The following ADAMTS6 variants were observed in gnomAD, a reference collection of about 807,000 sequenced individuals.
ADAMTS6 encodes the protein ADAM metallopeptidase with thrombospondin type 1 motif 6.
A neutral mutation model predicts 144.3 loss-of-function variants in ADAMTS6; 23 were observed. The observed-to-expected ratio is 0.16, with a 90% CI of 0.11 to 0.23. ADAMTS6 has a LOEUF of 0.23. ADAMTS6 is among the 10% of genes least tolerant of loss of function. ADAMTS6 has a pLI of 1.00. For missense variants in ADAMTS6, 999 were observed against 1,379.6 expected (o/e 0.72, Z 4.37); for synonymous variants, 444 against 457.5 (o/e 0.97, Z 0.38).
Position 65,334,085 on chromosome 5 carries a change from T to C in ADAMTS6, c.1074A>G (p.Arg358=), listed in dbSNP as rs1747067371. Residue 358 remains arginine, a splice_region_variant and synonymous_variant, in exon 8 of 25, where the codon AGA becomes AGG. Coordinates refer to ENST00000381055, the MANE Select transcript of ADAMTS6 (RefSeq NM_197941.4). ...AHHDNAVLIT[R]YDICTYKNKP... is the part of the protein sequence containing the mutation. ...TATTTTTATAAGTGCAGATATCATATCTATGGAGAAAACAGAGATGAAATT... is the reference window on the plus strand; with the variant it reads ...TATTTTTATAAGTGCAGATATCATACCTATGGAGAAAACAGAGATGAAATT... 2.0e-6 allele frequency: 3 copies of C among 1,476,298 alleles called. No homozygotes were observed. The highest frequency in any genetic ancestry group is 2.7e-6 in the Non-Finnish European group (3 of 1,118,078). 91.4% of individuals were successfully genotyped at this position (1,476,298 alleles called of 1,614,324 possible). A position where few individuals can be genotyped will look rare whatever the true frequency, so the allele number is the denominator to read the frequency against.
chr5:65,248,926 T>C (rs1208008383), intron 14 of ADAMTS6, among the ~76,000 whole-genome samples: 1 of 152,068 alleles, frequency 6.6e-6, no homozygotes, highest in African/African-American at 2.4e-5. Flanking sequence ...ATACCATAAA[T>C]ATATATACAA....
At chr5:65,174,649 G>GT (rs1184846422) in intron 22 of ADAMTS6, among the ~76,000 whole-genome samples, 1 of 152,142 alleles carries the variant, frequency 6.6e-6, no homozygotes, top group Non-Finnish European at 1.5e-5. Flanking sequence ...CGGCACTTTG[G>GT]TTTTTGTTTT....
At chr5:65,332,867 T>C (rs1746904437) in intron 8 of ADAMTS6, among the ~76,000 whole-genome samples, 1 of 152,170 alleles carries the variant, frequency 6.6e-6, no homozygotes, top group South Asian at 2.1e-4. Flanking sequence ...ATTATGCTTT[T>C]TAACTAGCAA....
intron 10 of ADAMTS6, chr5:65,297,374 T>C (rs1173629123): frequency 1.6e-5 from 6 of 383,124 alleles, no homozygotes; most frequent in Non-Finnish European, 2.5e-5. Context: ...ACATAGTGAA[T>C]TGTGAATCTC....
intron 7 of ADAMTS6, among the ~76,000 whole-genome samples, chr5:65,378,811 A>G (rs768398230): frequency 2.6e-5 from 4 of 152,194 alleles, no homozygotes; most frequent in Non-Finnish European, 4.4e-5. Flanking sequence ...AACTCTGAAT[A>G]TATTATAAAC....
chr5:65,233,174 G>T (rs1205275569), intron 15 of ADAMTS6, among the ~76,000 whole-genome samples: 1 of 151,876 alleles, frequency 6.6e-6, no homozygotes, highest in Non-Finnish European at 1.5e-5. Flanking sequence ...ATTAAGTACA[G>T]AAAGAATATA....
chr5:65,427,754 T>G (rs1438282031), intron 7 of ADAMTS6, among the ~76,000 whole-genome samples: 1 of 147,854 alleles, frequency 6.8e-6, no homozygotes, highest in Non-Finnish European at 1.5e-5. Context: ...GCCAAGCTCA[T>G]GCCACTGCAC....
intron 1 of ADAMTS6, among the ~76,000 whole-genome samples, chr5:65,479,670 A>C (rs1400124816): frequency 6.6e-6 from 1 of 152,220 alleles, no homozygotes; most frequent in Non-Finnish European, 1.5e-5. Flanking sequence ...AAACTTGATA[A>C]AATTTGGCAT....
rs191172983 is a variant in ADAMTS6 at position 65,446,054 on chromosome 5, G to A, written c.1073+5421C>T. On this transcript the variant is annotated intron_variant, in intron 7 of 24. Transcript: ENST00000381055. ...CACCCACAATCTGAATTCACACTTC[G>A]TATAAACCAAATATATTCTTTAAAA... Among the ~76,000 whole-genome samples, 350 of 152,150 alleles carry A rather than the reference G, an allele frequency of 2.3e-3. 3 individuals are homozygous for A. The highest frequency in any genetic ancestry group is 8.1e-3 in the African/African-American group (337 of 41,500).
In ADAMTS6 at chr5:65,224,974, C is replaced by T. The variant is rs771452107; in HGVS notation, c.2141G>A (p.Ser714Asn). Residue 714 changes from serine (S) to asparagine (N), a missense_variant, in exon 17 of 25, where the codon AGC becomes AAC. Ser to Asn is a conservative substitution (Grantham distance 46). This residue lies in a region of ADAMTS6 where 619 missense variants were observed against 837.0 expected (regional missense o/e 0.74). Transcript: ENST00000381055. Reference sequence around the variant, plus strand: ...GAACCCTTCAATGGCATCACATGTGCTTCCGTCCCCTCCACAGACTCGACA... The same window carrying T: ...GAACCCTTCAATGGCATCACATGTGTTTCCGTCCCCTCCACAGACTCGACA... ...DRCRVCGGDGSTCDAIEGFFN... is the reference protein window; with the variant it reads ...DRCRVCGGDGNTCDAIEGFFN... The T allele has an allele frequency of 1.2e-6, 2 of 1,614,102 alleles. No individual in the cohort carries two copies. The highest frequency in any genetic ancestry group is 1.7e-6 in the Non-Finnish European group (2 of 1,179,996).
chr5:65,263,484 T>C (rs1182238384), intron 12 of ADAMTS6, among the ~76,000 whole-genome samples: 3 of 149,772 alleles, frequency 2.0e-5, no homozygotes, highest in Non-Finnish European at 3.0e-5. Context: ...TTCATCTACA[T>C]GAGCACTGCA....
intron 7 of ADAMTS6, among the ~76,000 whole-genome samples, chr5:65,400,963 T>A (rs1234371155): frequency 1.3e-5 from 2 of 152,234 alleles, no homozygotes; most frequent in African/African-American, 2.4e-5. Flanking sequence ...GCTGTTTACA[T>A]TCTCCATTAA....
In ADAMTS6 at chr5:65,304,493, C is replaced by T. The variant is rs1037242661; in HGVS notation, c.1224-4362G>A. The stretch of plus-strand genomic sequence containing the variant: ...TGTCACCAAGGCTGGAGTGCAGTGG[C>T]GCAATCATGGCTCACTGCAGCCTCG... On this transcript the variant is annotated intron_variant, in intron 9 of 24. Transcript: ENST00000381055. Among the ~76,000 whole-genome samples the T allele has an allele frequency of 6.6e-5, 10 of 152,108 alleles. No homozygotes were observed. The East Asian group carries it at 9.6e-4, about 15-fold the overall frequency.
At position 65,386,420 on chromosome 5, in the gene ADAMTS6, G is replaced by A. The variant is rs1470294172; in HGVS notation, c.1074-52335C>T. Among the ~76,000 whole-genome samples, 2 of 151,926 alleles carry A rather than the reference G, an allele frequency of 1.3e-5. 1 individual carries two copies. The highest frequency in any genetic ancestry group is 1.3e-4 in the Admixed American group (2 of 15,244). ...GATACATTTGTTTGTGTCCTTATAAGGCATTTCTAGAAGTGTACCTGATAG... is the reference window on the plus strand; with the variant it reads ...GATACATTTGTTTGTGTCCTTATAAAGCATTTCTAGAAGTGTACCTGATAG... On this transcript the variant is annotated intron_variant, in intron 7 of 24. Transcript: ENST00000381055.
intron 11 of ADAMTS6, among the ~76,000 whole-genome samples, chr5:65,273,776 T>C (rs1456756300): frequency 6.6e-6 from 1 of 152,148 alleles, no homozygotes; most frequent in Non-Finnish European, 1.5e-5. Flanking sequence ...GAAATATATG[T>C]TTATTACACT....
Position 65,151,582 on chromosome 5 carries a change from C to A in ADAMTS6, c.*254G>T. On this transcript the variant is annotated 3_prime_UTR_variant, in exon 25 of 25. Transcript: ENST00000381055. ...CACAAACGCTCCACAGTAAGCAAGTCTCCCTGTGTTGTTTGGATCTCTCCA... is the reference window on the plus strand; with the variant it reads ...CACAAACGCTCCACAGTAAGCAAGTATCCCTGTGTTGTTTGGATCTCTCCA... The A allele has an allele frequency of 2.4e-6, 1 of 417,356 alleles. No individual in the cohort carries two copies. The highest frequency in any genetic ancestry group is 8.3e-5 in the South Asian group (1 of 12,112). The allele number at this position is 417,356 out of a possible 1,614,324, so 25.9% of individuals were successfully genotyped here.
intron 15 of ADAMTS6, among the ~76,000 whole-genome samples, chr5:65,230,517 G>T (rs191908700): frequency 5.9e-4 from 10 of 16,810 alleles, no homozygotes; most frequent in African/African-American, 3.0e-3. Context: ...TATAATACAT[G>T]ATATATATGA....
chr5:65,259,376 T>A (rs1580213975), intron 14 of ADAMTS6, among the ~76,000 whole-genome samples: 1 of 149,622 alleles, frequency 6.7e-6, no homozygotes, highest in Non-Finnish European at 1.5e-5. Flanking sequence ...AGGCTCTGTC[T>A]CAAACAAACA....
chr5:65,478,066 G>A (rs1760959286), intron 1 of ADAMTS6, among the ~76,000 whole-genome samples: 1 of 151,978 alleles, frequency 6.6e-6, no homozygotes, highest in African/African-American at 2.4e-5. Context: ...GGTGGAGGCT[G>A]CAGTGAGCCA....
Sources: gnomAD v4.1 joint callset for allele counts (sites outside exome capture counted in the v4.1 genomes callset) on GRCh38, gnomAD v4.1.1 for gene constraint, gnomAD v4.1.1 regional missense constraint, MANE v1.5 for transcripts, NCBI Gene and HGNC (gene_info 2026-07-23, HGNC 2026-07-21) for gene names.